Variants in CFAP299 observed in about 807,000 individuals in gnomAD.
CFAP299 encodes cilia and flagella associated protein 299, also known as cilia- and flagella-associated protein 299.
A neutral mutation model predicts 27.0 loss-of-function variants in CFAP299; 21 were observed. The ratio of observed to expected loss-of-function variants is 0.78; its 90% CI spans 0.55 to 1.12. The LOEUF (loss-of-function observed/expected upper bound fraction) is 1.12, where lower values mean the gene tolerates loss of function less well. CFAP299 is among the 50% of genes most tolerant of loss of function. CFAP299 has a pLI of 0.00. For missense variants in CFAP299, 310 were observed against 276.6 expected (o/e 1.12, Z -0.86); for synonymous variants, 104 against 98.1 (o/e 1.06, Z -0.36).
chr4:80,760,484 A>G (rs901534652), intron 3 of CFAP299, among the ~76,000 whole-genome samples: 5 of 152,200 alleles, frequency 3.3e-5, no homozygotes, highest in African/African-American at 1.2e-4. Context: ...TTGTTCTCAC[A>G]CTAACTTTAA....
intron 3 of CFAP299, among the ~76,000 whole-genome samples, chr4:80,642,415 A>G (rs1045712498): frequency 1.1e-4 from 17 of 152,218 alleles, no homozygotes; most frequent in African/African-American, 4.1e-4. Context: ...ATTAATAAGA[A>G]TTTCTGGGAT....
At chr4:80,348,592 A>G (rs1378527435) in intron 1 of CFAP299, among the ~76,000 whole-genome samples, 1 of 152,226 alleles carries the variant, frequency 6.6e-6, no homozygotes, top group African/African-American at 2.4e-5. Flanking sequence ...ATACCATCTC[A>G]CGCCAGTAAG....
chr4:80,589,994 T>C (rs538926798), intron 3 of CFAP299, among the ~76,000 whole-genome samples: 2 of 152,304 alleles, frequency 1.3e-5, no homozygotes, highest in African/African-American at 2.4e-5. Context: ...GTAATTATCA[T>C]GTAATTGTAA....
intron 2 of CFAP299, among the ~76,000 whole-genome samples, chr4:80,576,191 A>ATATATATATATATAT (rs1308158560): frequency 6.7e-5 from 2 of 29,682 alleles, no homozygotes; most frequent in African/African-American, 2.1e-4. Flanking sequence ...TAATAATAAA[A>ATATATATATATATAT]AAAAAAATAT....
chr4:80,411,707 G>A lies in CFAP299; in HGVS notation c.242+48823G>A, dbSNP rs552203936. 3.9e-4 allele frequency among the ~76,000 whole-genome samples: 59 copies of A among 152,074 alleles called. 2 individuals carry two copies. In the South Asian group the frequency reaches 0.012, roughly 31 times the overall value. On this transcript the variant is annotated intron_variant, in intron 2 of 5. Coordinates refer to ENST00000358105, the MANE Select transcript of CFAP299 (RefSeq NM_152770.3). Reference sequence around the variant, plus strand: ...TTATGATATTTTCTGATCCTTGGAAGTTTATGAGACAAATAGGTGTCAAGA... The same window carrying A: ...TTATGATATTTTCTGATCCTTGGAAATTTATGAGACAAATAGGTGTCAAGA...
At chr4:80,935,090 G>A (rs942844477) in intron 4 of CFAP299, among the ~76,000 whole-genome samples, 2 of 151,864 alleles carry the variant, frequency 1.3e-5, no homozygotes, top group African/African-American at 4.8e-5. Flanking sequence ...GTATCTCAAT[G>A]TATTTTTTTA....
At chr4:80,401,938 G>A (rs1003732481) in intron 2 of CFAP299, among the ~76,000 whole-genome samples, 1 of 152,144 alleles carries the variant, frequency 6.6e-6, no homozygotes, top group Non-Finnish European at 1.5e-5. Context: ...TGTGAGAGTT[G>A]GAATCAAAGG....
intron 2 of CFAP299, among the ~76,000 whole-genome samples, chr4:80,556,776 TTA>T (rs1734805304): frequency 6.6e-6 from 1 of 151,956 alleles, no homozygotes; most frequent in South Asian, 2.1e-4. Flanking sequence ...GTAGCCAAAA[TTA>T]TGTTTACTCC....
At chr4:80,691,515 A>G (rs578186172) in intron 3 of CFAP299, among the ~76,000 whole-genome samples, 51 of 152,324 alleles carry the variant, frequency 3.3e-4, no homozygotes, top group African/African-American at 1.2e-3. Flanking sequence ...AAAAACTCTC[A>G]ATAAATTAGG....
chr4:80,463,695 C>T (rs9942234), intron 2 of CFAP299, among the ~76,000 whole-genome samples: 11,038 of 152,076 alleles, frequency 0.073, 1,302 homozygotes, highest in African/African-American at 0.25. Flanking sequence ...GGGTCCCAAC[C>T]TTATGACCTT....
intron 3 of CFAP299, among the ~76,000 whole-genome samples, chr4:80,833,418 C>T (rs956418820): frequency 2.0e-5 from 3 of 151,794 alleles, no homozygotes; most frequent in African/African-American, 7.3e-5. Context: ...CTATCAATAA[C>T]TCTATGAGGG....
At chr4:80,732,738 A>C (rs1005609591) in intron 3 of CFAP299, among the ~76,000 whole-genome samples, 3 of 152,096 alleles carry the variant, frequency 2.0e-5, no homozygotes, top group Non-Finnish European at 4.4e-5. Flanking sequence ...GTATTTCTCT[A>C]GATGTTGGGC....
chr4:80,563,241 T>C (rs1251175882), intron 2 of CFAP299, among the ~76,000 whole-genome samples: 1 of 152,120 alleles, frequency 6.6e-6, no homozygotes, highest in African/African-American at 2.4e-5. Flanking sequence ...AGCTGCGGAA[T>C]ACACATTTTT....
At chr4:80,504,111 T>G (rs954301971) in intron 2 of CFAP299, among the ~76,000 whole-genome samples, 1 of 152,000 alleles carries the variant, frequency 6.6e-6, no homozygotes, top group African/African-American at 2.4e-5. Flanking sequence ...TCATGCTTAT[T>G]ATGGGGAGGA....
intron 2 of CFAP299, among the ~76,000 whole-genome samples, chr4:80,461,807 C>G (rs1280562028): frequency 6.6e-6 from 1 of 152,128 alleles, no homozygotes; most frequent in Non-Finnish European, 1.5e-5. Flanking sequence ...TTATTTTGCA[C>G]TTCACTATGA....
intron 2 of CFAP299, among the ~76,000 whole-genome samples, chr4:80,433,666 G>T (rs1168915037): frequency 6.6e-6 from 1 of 151,318 alleles, no homozygotes; most frequent in South Asian, 2.1e-4. Flanking sequence ...GGAGTATTTG[G>T]CTACCAACTT....
intron 3 of CFAP299, among the ~76,000 whole-genome samples, chr4:80,858,621 T>C (rs1732093740): frequency 6.6e-6 from 1 of 152,190 alleles, no homozygotes; most frequent in Non-Finnish European, 1.5e-5. Flanking sequence ...TTTGTTCTCG[T>C]TGGTTTCAAA....
At chr4:80,604,850 CTT>C (rs1206708770) in intron 3 of CFAP299, among the ~76,000 whole-genome samples, 2 of 147,438 alleles carry the variant, frequency 1.4e-5, no homozygotes, top group Non-Finnish European at 3.0e-5. Flanking sequence ...ATATTAATGA[CTT>C]TGTATCAGAC....
In CFAP299 at chr4:80,870,148, C is replaced by T. The variant is rs755889774; in HGVS notation, c.476+13C>T. ...CTACAGATATAAGGTAAATTACATA[C>T]AATTTTTGCACCCTTAGAGGCAGGG... is the stretch of plus-strand genomic sequence containing the variant. On this transcript the variant is annotated intron_variant, in intron 4 of 5. Transcript: ENST00000358105. 3.1e-6 allele frequency: 5 copies of T among 1,589,812 alleles called. No homozygotes were observed. In the South Asian group the frequency reaches 3.4e-5, roughly 11 times the overall value.
Sources: gnomAD v4.1 joint callset for allele counts (sites outside exome capture counted in the v4.1 genomes callset) on GRCh38, gnomAD v4.1.1 for gene constraint, MANE v1.5 for transcripts, NCBI Gene and HGNC (gene_info 2026-07-23, HGNC 2026-07-21) for gene names.